Variants in WIPF1 observed in about 807,000 individuals in gnomAD.
WIPF1 encodes the protein WAS/WASL interacting protein family member 1.
A neutral mutation model predicts 35.4 loss-of-function variants in WIPF1; 13 were observed. The ratio of observed to expected loss-of-function variants is 0.37; its 90% CI spans 0.24 to 0.58. The LOEUF (loss-of-function observed/expected upper bound fraction) is 0.58. Ranked by LOEUF, WIPF1 falls within the 20% of genes least tolerant of loss-of-function variation. The pLI is 0.74. For synonymous variants in WIPF1, 267 were observed against 266.3 expected, an observed-to-expected ratio of 1.00 and a Z score of -0.02; for missense variants, 591 against 667.0, an observed-to-expected ratio of 0.89 and a Z score of 1.25.
intron 1 of WIPF1, among the ~76,000 whole-genome samples, chr2:174,636,164 C>G (rs1305183112): frequency 1.3e-5 from 2 of 152,142 alleles, no homozygotes; most frequent in Non-Finnish European, 2.9e-5. Context: ...ATGATGATGA[C>G]TCAATTTGAA....
Position 174,562,280 on chromosome 2 carries a change from T to C in WIPF1, c.*267A>G. 1 of 1,525,966 alleles carries C rather than the reference T, an allele frequency of 6.6e-7. No homozygotes were observed. The allele number at this position is 1,525,966 out of a possible 1,614,324, so 94.5% of individuals were successfully genotyped here. A position where few individuals can be genotyped will look rare whatever the true frequency, so the allele number is the denominator to read the frequency against. ...AGCTGGGATGCAAGTCATCTCTGCC[T>C]ATTACGACAAAAGCCTATCGACCCC... On this transcript the variant is annotated 3_prime_UTR_variant, in exon 8 of 8. Coordinates refer to ENST00000679041, the MANE Select transcript of WIPF1 (RefSeq NM_001375834.1).
chr2:174,572,029 G>A lies in WIPF1; in HGVS notation c.776C>T (p.Ala259Val), dbSNP rs139003789. The A allele has an allele frequency of 3.4e-4, 522 of 1,548,752 alleles. No homozygotes were observed. Among genetic ancestry groups the A allele is most frequent in the Non-Finnish European group, 3.7e-4 (423 of 1,150,416 alleles). ...TGGTGGAGGGGGTTTGTCATCCAAG[G>A]CCCTGCTGGGGGTAGGCGGCAGGGG... Reference protein sequence around the residue: ...RPPLPPTPSRALDDKPPPPPP... With the variant: ...RPPLPPTPSRVLDDKPPPPPP... The change falls in exon 5 of 8, where the codon GCC becomes GTC. Residue 259 changes from alanine (A) to valine (V), a missense_variant. Physicochemically the swap from Ala to Val is moderately conservative, Grantham distance 64 (BLOSUM62 0). Around this residue, in one of 3 missense-constraint regions of WIPF1, gnomAD observed 471 missense variants for 501.1 expected, o/e 0.94. Transcript: ENST00000679041.
intron 2 of WIPF1, 118 bp downstream of exon 2, chr2:174,585,405 T>C: frequency 1.9e-6 from 2 of 1,059,510 alleles, no homozygotes; most frequent in South Asian, 1.3e-5. Flanking sequence ...TGGGAAAGCC[T>C]GTTGTATCAC....
chr2:174,605,121 C>G (rs755441786), intron 1 of WIPF1, among the ~76,000 whole-genome samples: 17 of 152,190 alleles, frequency 1.1e-4, no homozygotes, highest in Non-Finnish European at 2.5e-4. Flanking sequence ...GAGCCTGAGA[C>G]TCAAGAGGTA....
At chr2:174,566,516 CTG>C (rs1029704628) in intron 7 of WIPF1, 4 of 152,182 alleles carry the variant, frequency 2.6e-5, no homozygotes, top group Middle Eastern at 3.2e-3. Context: ...CGCCAAAAAA[CTG>C]TACATCGTCA....
At chr2:174,670,056 C>G (rs1207169441) in intron 1 of WIPF1, among the ~76,000 whole-genome samples, 2 of 152,060 alleles carry the variant, frequency 1.3e-5, no homozygotes, top group Non-Finnish European at 2.9e-5. Context: ...CTCCTCTAAT[C>G]TCTGTTTCCT....
At chr2:174,623,131 G>A (rs901118360) in intron 1 of WIPF1, among the ~76,000 whole-genome samples, 51 of 152,216 alleles carry the variant, frequency 3.4e-4, no homozygotes, top group African/African-American at 1.2e-3. Flanking sequence ...AATTTCAAAT[G>A]GTAATACATA....
At chr2:174,617,745 A>G (rs1464056644) in intron 1 of WIPF1, among the ~76,000 whole-genome samples, 3 of 152,230 alleles carry the variant, frequency 2.0e-5, no homozygotes, top group Non-Finnish European at 4.4e-5. Context: ...TCACCCAGCC[A>G]TAGTAAATTA....
chr2:174,597,650 G>A lies in WIPF1; in HGVS notation c.-88C>T, dbSNP rs1685865306. On this transcript the variant is annotated 5_prime_UTR_variant, in exon 1 of 8. Coordinates refer to ENST00000679041, the MANE Select transcript of WIPF1 (RefSeq NM_001375834.1). ...ATGGTCAGGGACACAGGCAGACAGAGGGCCAGCGGGACAGGAGCCAAGAGA... is the reference window on the plus strand; with the variant it reads ...ATGGTCAGGGACACAGGCAGACAGAAGGCCAGCGGGACAGGAGCCAAGAGA... 6.6e-6 allele frequency: 1 copy of A among 152,640 alleles called. No individual in the cohort carries two copies. Among genetic ancestry groups the A allele is most frequent in the Admixed American group, 6.5e-5 (1 of 15,280 alleles). 9.5% of individuals were successfully genotyped at this position (152,640 alleles called of 1,614,324 possible). A position where few individuals can be genotyped will look rare whatever the true frequency, so the allele number is the denominator to read the frequency against.
At chr2:174,657,770 C>T (rs1032418922) in intron 1 of WIPF1, among the ~76,000 whole-genome samples, 5 of 151,814 alleles carry the variant, frequency 3.3e-5, no homozygotes, top group Admixed American at 2.6e-4. Flanking sequence ...ATTAGCTGGG[C>T]GTGGTGGTGC....
chr2:174,571,839 A>G lies in WIPF1; in HGVS notation c.966T>C (p.Pro322=). The G allele has an allele frequency of 6.2e-7, 1 of 1,614,084 alleles. No homozygotes were observed. Among genetic ancestry groups the G allele is most frequent in the South Asian group, 1.1e-5 (1 of 91,076 alleles). ...TTTCGTCATTGCCGCTGGAACTTGG[A>G]GGCAGAGGAGGCGGCCCGGGCCTGC... The part of the protein sequence containing the change: ...PPSRPGPPPL[P]PSSSGNDETP... The change falls in exon 5 of 8, where the codon CCT becomes CCC. Residue 322 remains proline, a synonymous_variant. Transcript: ENST00000679041. This position sits in a 1 kb window ranked among gnomAD's most constrained non-coding sequence, Gnocchi z 4.6.
chr2:174,634,357 C>CAACGT, intron 1 of WIPF1, among the ~76,000 whole-genome samples: 1 of 152,214 alleles, frequency 6.6e-6, no homozygotes, highest in Non-Finnish European at 1.5e-5. Flanking sequence ...GCGTTTGTTC[C>CAACGT]TCTAACAACG....
chr2:174,651,714 T>TAA (rs763089616), intron 1 of WIPF1, among the ~76,000 whole-genome samples: 59 of 152,238 alleles, frequency 3.9e-4, no homozygotes, highest in Non-Finnish European at 7.8e-4. Context: ...GGATGAGTGC[T>TAA]CCAGTTATCT....
intron 1 of WIPF1, among the ~76,000 whole-genome samples, chr2:174,636,841 A>G (rs1687192985): frequency 6.6e-6 from 1 of 152,246 alleles, no homozygotes; most frequent in Non-Finnish European, 1.5e-5. Flanking sequence ...TTTTAGTCAC[A>G]TCGTATCAGA....
intron 1 of WIPF1, among the ~76,000 whole-genome samples, chr2:174,653,601 G>A (rs940878678): frequency 4.6e-5 from 7 of 151,932 alleles, no homozygotes; most frequent in African/African-American, 1.7e-4. Flanking sequence ...AATTAGCCGG[G>A]TGTGGTGGCG....
chr2:174,671,769 G>A (rs1261368877), intron 1 of WIPF1, among the ~76,000 whole-genome samples: 1 of 145,268 alleles, frequency 6.9e-6, no homozygotes, highest in Non-Finnish European at 1.5e-5. Flanking sequence ...TTCCCGCCTA[G>A]TAAATTTTAG....
At chr2:174,658,254 C>T (rs1687688277) in intron 1 of WIPF1, among the ~76,000 whole-genome samples, 1 of 152,164 alleles carries the variant, frequency 6.6e-6, no homozygotes. Context: ...AACCTCACAC[C>T]CACACAAAAA....
Position 174,565,932 on chromosome 2 carries a change from G to A in WIPF1, c.1456+1138C>T, listed in dbSNP as rs1684645511. 3.3e-5 allele frequency among the ~76,000 whole-genome samples: 5 copies of A among 151,884 alleles called. No individual in the cohort carries two copies. The South Asian group carries it at 1.0e-3, about 32-fold the overall frequency. On this transcript the variant is annotated intron_variant, in intron 7 of 7. Transcript: ENST00000679041. Reference sequence around the variant, plus strand: ...GAAGTCTCGCTCTGTCGCCCAGGCTGGAGTGCAATGGCGCAATCTCAGCTC... The same window carrying A: ...GAAGTCTCGCTCTGTCGCCCAGGCTAGAGTGCAATGGCGCAATCTCAGCTC...
At chr2:174,672,467 G>A (rs79404647) in intron 1 of WIPF1, among the ~76,000 whole-genome samples, 6,752 of 152,142 alleles carry the variant, frequency 0.044, 225 homozygotes, top group Non-Finnish European at 0.069. Flanking sequence ...AAGTATAAAC[G>A]AAGAACTCCA....
Sources: gnomAD v4.1 joint callset for allele counts (sites outside exome capture counted in the v4.1 genomes callset) on GRCh38, gnomAD v4.1.1 for gene constraint, gnomAD v4.1.1 regional missense constraint, Gnocchi (gnomAD v3.1) non-coding constraint, MANE v1.5 for transcripts, NCBI Gene and HGNC (gene_info 2026-07-23, HGNC 2026-07-21) for gene names.